Variants in KCNQ1 observed in about 807,000 individuals in gnomAD.
KCNQ1 encodes the protein potassium voltage-gated channel subfamily KQT member 1.
In KCNQ1, 49 loss-of-function variants were observed where a neutral mutation model predicts 72.4. The observed-to-expected ratio is 0.68, with a 90% confidence interval of 0.54 to 0.86. The LOEUF is 0.86. KCNQ1 is among the 40% of genes least tolerant of loss of function. The pLI is 0.00. For synonymous variants in KCNQ1, 450 were observed against 412.6 expected (o/e 1.09, Z -1.10); for missense variants, 790 against 945.1 (o/e 0.84, Z 2.15).
chr11:2,790,809 G>C (rs942725504), intron 15 of KCNQ1, among the ~76,000 whole-genome samples: 1 of 152,220 alleles, frequency 6.6e-6, no homozygotes, highest in Non-Finnish European at 1.5e-5. Flanking sequence ...GAGGGTGTGA[G>C]CATGAGGATG....
rs1036749794 is a variant in KCNQ1, at chr11:2,827,490, C to T, written c.1795-20277C>T. On this transcript the variant is annotated intron_variant, in intron 15 of 15. Coordinates refer to ENST00000155840, the MANE Select transcript of KCNQ1 (RefSeq NM_000218.3). This position sits in a 1 kb window ranked among gnomAD's most constrained non-coding sequence, Gnocchi z 6.7. ...ACTCCTGTAAAACCCTACACAGAAGCGGCCCACGTCATCCCCCTTTCTGTC... is the reference window on the plus strand; with the variant it reads ...ACTCCTGTAAAACCCTACACAGAAGTGGCCCACGTCATCCCCCTTTCTGTC... 2.0e-5 allele frequency among the ~76,000 whole-genome samples: 3 copies of T among 152,082 alleles called. No homozygotes were observed. Among genetic ancestry groups the T allele is most frequent in the Admixed American group, 6.5e-5 (1 of 15,270 alleles).
rs1195167142 is a variant in KCNQ1, at chr11:2,621,867, C to G, written c.1393+33013C>G. ...CTTTTTTCCCCTATGGTTTTTCTTT[C>G]TAACTTGTCTCTGTTCTGATCTTTA... On this transcript the variant is annotated intron_variant, in intron 10 of 15. Transcript: ENST00000155840. The surrounding 1 kb of genome is among the most constrained non-coding windows in gnomAD (Gnocchi z 5.7). 1 of 398,012 alleles carries G rather than the reference C, an allele frequency of 2.5e-6. No individual in the cohort carries two copies. The highest frequency in any genetic ancestry group is 4.4e-6 in the Non-Finnish European group (1 of 225,890). The allele number at this position is 398,012 out of a possible 1,614,324, so 24.7% of individuals were successfully genotyped here.
chr11:2,664,636 C>A lies in KCNQ1; in HGVS notation c.1514+2555C>A. 2.5e-6 allele frequency: 1 copy of A among 398,728 alleles called. No individual in the cohort carries two copies. The highest frequency in any genetic ancestry group is 1.3e-4 in the South Asian group (1 of 7,852). 24.7% of individuals were successfully genotyped at this position (398,728 alleles called of 1,614,324 possible). On this transcript the variant is annotated intron_variant, in intron 11 of 15. Coordinates refer to ENST00000155840, the MANE Select transcript of KCNQ1 (RefSeq NM_000218.3). The surrounding 1 kb of genome is among the most constrained non-coding windows in gnomAD (Gnocchi z 5.1). ...GCCCAGTGATGCCCATAATTAAATT[C>A]GGCTCCAGCTGCTCAGGGATGCAGC...
In KCNQ1 at chr11:2,608,081, C is replaced by A. The variant is rs189505690; in HGVS notation, c.1393+19227C>A. On this transcript the variant is annotated intron_variant, in intron 10 of 15. Transcript: ENST00000155840. The surrounding 1 kb of genome is among the most constrained non-coding windows in gnomAD (Gnocchi z 4.6). ...ATGGGTAAAATAAATTTTATAAGTT[C>A]TCTTTTCATGTTTTTGTCTGGTTTT... Among the ~76,000 whole-genome samples the A allele has an allele frequency of 2.7e-4, 41 of 152,222 alleles. No homozygotes were observed. Among genetic ancestry groups the A allele is most frequent in the Middle Eastern group, 3.4e-3 (1 of 294 alleles).
intron 11 of KCNQ1, among the ~76,000 whole-genome samples, chr11:2,707,741 G>A (rs1850934287): frequency 6.6e-6 from 1 of 152,228 alleles, no homozygotes; most frequent in Non-Finnish European, 1.5e-5. Context: ...TCAAGGGATT[G>A]GGCAGGCCTT....
rs1186392552 is a variant in KCNQ1, at chr11:2,703,566, G to A, written c.1514+41485G>A. On this transcript the variant is annotated intron_variant, in intron 11 of 15. Coordinates refer to ENST00000155840, the MANE Select transcript of KCNQ1 (RefSeq NM_000218.3). The surrounding 1 kb of genome is among the most constrained non-coding windows in gnomAD (Gnocchi z 6.4). ...CACTCGGCTTTTCTCTTGATTCCAA[G>A]GTATTTAGAGTGGGGGTGGGGGATT... Among the ~76,000 whole-genome samples the A allele has an allele frequency of 6.6e-6, 1 of 152,180 alleles. No homozygotes were observed. Among genetic ancestry groups the A allele is most frequent in the Non-Finnish European group, 1.5e-5 (1 of 68,038 alleles).
Position 2,713,876 on chromosome 11 carries a change from G to A in KCNQ1, c.1514+51795G>A, listed in dbSNP as rs984450176. 2.0e-5 allele frequency among the ~76,000 whole-genome samples: 3 copies of A among 152,236 alleles called. No homozygotes were observed. Among genetic ancestry groups the A allele is most frequent in the South Asian group, 4.1e-4 (2 of 4,838 alleles). On this transcript the variant is annotated intron_variant, in intron 11 of 15. Coordinates refer to ENST00000155840, the MANE Select transcript of KCNQ1 (RefSeq NM_000218.3). This position sits in a 1 kb window ranked among gnomAD's most constrained non-coding sequence, Gnocchi z 5.6. Reference sequence around the variant, plus strand: ...CTTCCAGATGGGCAAACGCGCGCTCGGAGCCTGGCCCTGCAGACACGATGG... The same window carrying A: ...CTTCCAGATGGGCAAACGCGCGCTCAGAGCCTGGCCCTGCAGACACGATGG...
Position 2,562,603 on chromosome 11 carries a change from C to A in KCNQ1, c.478-8025C>A, listed in dbSNP as rs567983280. On this transcript the variant is annotated intron_variant, in intron 2 of 15. Coordinates refer to ENST00000155840, the MANE Select transcript of KCNQ1 (RefSeq NM_000218.3). The surrounding 1 kb of genome is among the most constrained non-coding windows in gnomAD (Gnocchi z 7.5). ...ACCCTAATCCCGGGTCCCCACAGCA[C>A]CCTCAGCCTAACCCCTGTGTCCACC... Among the ~76,000 whole-genome samples the A allele has an allele frequency of 6.6e-6, 1 of 152,316 alleles. No individual in the cohort carries two copies. The highest frequency in any genetic ancestry group is 2.1e-4 in the South Asian group (1 of 4,828).
chr11:2,680,370 T>C (rs962839651), intron 11 of KCNQ1: 11 of 398,376 alleles, frequency 2.8e-5, no homozygotes, highest in African/African-American at 2.3e-4. Context: ...TTTACCCACA[T>C]GTTCAAATCC....
chr11:2,665,221 G>A (rs533298045), intron 11 of KCNQ1: 2 of 398,648 alleles, frequency 5.0e-6, no homozygotes, highest in Non-Finnish European at 8.8e-6. Context: ...TGTCTTCCTA[G>A]GTTGAATGGG....
rs1322017654 is a variant in KCNQ1 at position 2,565,548 on chromosome 11, G to C, written c.478-5080G>C. ...GAGAGCCAACTTATAACACGCCCCA[G>C]GATGGACATGGATTCACACTCATGG... On this transcript the variant is annotated intron_variant, in intron 2 of 15. Transcript: ENST00000155840. The surrounding 1 kb of genome is among the most constrained non-coding windows in gnomAD (Gnocchi z 5.6). 1.3e-5 allele frequency among the ~76,000 whole-genome samples: 2 copies of C among 152,196 alleles called. No individual in the cohort carries two copies. The highest frequency in any genetic ancestry group is 4.8e-5 in the African/African-American group (2 of 41,450).
Position 2,698,597 on chromosome 11 carries a change from C to T in KCNQ1, c.1514+36516C>T, listed in dbSNP as rs1214044594. ...GAATCCCCACCTAGAGGCAGAACTT[C>T]GACTTCAATTCCTGACTCCCATACC... On this transcript the variant is annotated intron_variant, in intron 11 of 15. Transcript: ENST00000155840. The surrounding 1 kb of genome is among the most constrained non-coding windows in gnomAD (Gnocchi z 5.1). 2.5e-6 allele frequency: 1 copy of T among 398,584 alleles called. No homozygotes were observed. Among genetic ancestry groups the T allele is most frequent in the Non-Finnish European group, 4.4e-6 (1 of 226,080 alleles). The allele number at this position is 398,584 out of a possible 1,614,324, so 24.7% of individuals were successfully genotyped here. A position where few individuals can be genotyped will look rare whatever the true frequency, so the allele number is the denominator to read the frequency against.
rs1322999214 is a variant in KCNQ1, at chr11:2,620,905, C to T, written c.1393+32051C>T. On this transcript the variant is annotated intron_variant, in intron 10 of 15. Coordinates refer to ENST00000155840, the MANE Select transcript of KCNQ1 (RefSeq NM_000218.3). This position sits in a 1 kb window ranked among gnomAD's most constrained non-coding sequence, Gnocchi z 4.5. The stretch of plus-strand genomic sequence containing the variant: ...CATTCTGACTGGTGTGAGATGGCAT[C>T]CCATTATGGTTTGGTGTTTTTTTGT... 6 of 397,174 alleles carry T rather than the reference C, an allele frequency of 1.5e-5. No homozygotes were observed. Among genetic ancestry groups the T allele is most frequent in the Non-Finnish European group, 2.2e-5 (5 of 225,840 alleles). The allele number at this position is 397,174 out of a possible 1,614,324, so 24.6% of individuals were successfully genotyped here.
chr11:2,733,849 C>CGCTCTT (rs58155156), intron 11 of KCNQ1, among the ~76,000 whole-genome samples: 4,190 of 35,084 alleles, frequency 0.12, 283 homozygotes, highest in African/African-American at 0.21. Context: ...CTCTCTCTCT[C>CGCTCTT]TCTCTCTCCC....
Position 2,621,042 on chromosome 11 carries a change from A to G in KCNQ1, c.1393+32188A>G, listed in dbSNP as rs1285166896. The G allele has an allele frequency of 2.5e-6, 1 of 396,996 alleles. No individual in the cohort carries two copies. Among genetic ancestry groups the G allele is most frequent in the East Asian group, 3.6e-5 (1 of 28,058 alleles). The allele number at this position is 396,996 out of a possible 1,614,324, so 24.6% of individuals were successfully genotyped here. On this transcript the variant is annotated intron_variant, in intron 10 of 15. Transcript: ENST00000155840. The surrounding 1 kb of genome is among the most constrained non-coding windows in gnomAD (Gnocchi z 5.7). ...TCCCAGGCTGGAGTGCAGTGGCGCA[A>G]TCTCGGCTCACTGCAACCTCCACCT... is the stretch of plus-strand genomic sequence containing the variant.
chr11:2,788,057 A>C (rs1846945990), intron 15 of KCNQ1, among the ~76,000 whole-genome samples: 1 of 152,284 alleles, frequency 6.6e-6, no homozygotes, highest in Admixed American at 6.5e-5. Flanking sequence ...GGAAATGCTC[A>C]GTGAGTGCCC....
In KCNQ1 at chr11:2,668,272, T is replaced by C. The variant is rs994202949; in HGVS notation, c.1514+6191T>C. 2.5e-6 allele frequency: 1 copy of C among 398,546 alleles called. No individual in the cohort carries two copies. The highest frequency in any genetic ancestry group is 2.1e-5 in the African/African-American group (1 of 48,636). The allele number at this position is 398,546 out of a possible 1,614,324, so 24.7% of individuals were successfully genotyped here. A position where few individuals can be genotyped will look rare whatever the true frequency, so the allele number is the denominator to read the frequency against. On this transcript the variant is annotated intron_variant, in intron 11 of 15. Coordinates refer to ENST00000155840, the MANE Select transcript of KCNQ1 (RefSeq NM_000218.3). This position sits in a 1 kb window ranked among gnomAD's most constrained non-coding sequence, Gnocchi z 4.3. Reference sequence around the variant, plus strand: ...TGTAGGTTGCTGTTTAAGAATATTCTGTACATGCTTTTGGTGAGCATCAGG... The same window carrying C: ...TGTAGGTTGCTGTTTAAGAATATTCCGTACATGCTTTTGGTGAGCATCAGG...
chr11:2,468,626 CGATG>C lies in KCNQ1; in HGVS notation c.386+23148_386+23151del, dbSNP rs142092043. 4.3e-3 allele frequency among the ~76,000 whole-genome samples: 658 copies of C among 152,296 alleles called. 5 individuals carry two copies. Among genetic ancestry groups the C allele is most frequent in the African/African-American group, 0.015 (624 of 41,550 alleles). On this transcript the variant is annotated intron_variant, in intron 1 of 15. Coordinates refer to ENST00000155840, the MANE Select transcript of KCNQ1 (RefSeq NM_000218.3). This position sits in a 1 kb window ranked among gnomAD's most constrained non-coding sequence, Gnocchi z 5.7. ...GCCACTGCTGCCCTACCATCAGGCA[CGATG>C]GATGGGCTTGTGCCTTGTGGAATTT...
intron 11 of KCNQ1, among the ~76,000 whole-genome samples, chr11:2,728,243 G>T (rs1845798789): frequency 6.6e-6 from 1 of 152,158 alleles, no homozygotes; most frequent in South Asian, 2.1e-4. Flanking sequence ...ACTTCTCTGT[G>T]GCTTCCCAAG....
Sources: allele counts gnomAD v4.1 joint callset (sites outside exome capture counted in the v4.1 genomes callset), GRCh38; gene constraint gnomAD v4.1.1; non-coding constraint Gnocchi (gnomAD v3.1); transcripts MANE v1.5; gene names NCBI Gene and HGNC (gene_info 2026-07-23, HGNC 2026-07-21).